Variants in PACRGL observed in about 807,000 individuals in gnomAD.
The protein encoded by PACRGL is PACRG-like protein.
PACRGL carries 38 observed loss-of-function variants against 34.5 expected under a neutral mutation model. The ratio of observed to expected loss-of-function variants is 1.10; its 90% CI spans 0.85 to 1.44. The LOEUF (loss-of-function observed/expected upper bound fraction) is 1.44, where lower values mean the gene tolerates loss of function less well. Ranked by LOEUF, PACRGL falls within the 40% of genes most tolerant of loss-of-function variation. The pLI, the probability that PACRGL is intolerant of heterozygous loss-of-function variation, is 0.00. For missense variants in PACRGL, 305 were observed against 281.4 expected, an observed-to-expected ratio of 1.08 and a Z score of -0.60; for synonymous variants, 128 against 100.1, an observed-to-expected ratio of 1.28 and a Z score of -1.66.
rs1435603724 is a variant in PACRGL, at chr4:20,729,205, T to G, written c.*1864T>G. 2 of 151,944 alleles carry G rather than the reference T, an allele frequency of 1.3e-5. No individual in the cohort carries two copies. Among genetic ancestry groups the G allele is most frequent in the African/African-American group, 4.8e-5 (2 of 41,394 alleles). The allele number at this position is 151,944 out of a possible 1,614,324, so 9.4% of individuals were successfully genotyped here. ...GATTTGGCCTTTAATGCTGTTAGGA[T>G]TACTTGTTATTAAGCATTACTATAT... is the stretch of plus-strand genomic sequence containing the variant. On this transcript the variant is annotated 3_prime_UTR_variant, in exon 9 of 9. Coordinates refer to ENST00000503585, the MANE Select transcript of PACRGL (RefSeq NM_001258345.3).
chr4:20,736,207 A>G (rs997144899), downstream of PACRGL, among the ~76,000 whole-genome samples: 4 of 152,184 alleles, frequency 2.6e-5, no homozygotes, highest in Admixed American at 2.6e-4. Flanking sequence ...AGTATAAGAT[A>G]TATTTGTTTT....
chr4:20,736,494 G>A (rs776282221), downstream of PACRGL, among the ~76,000 whole-genome samples: 19 of 152,046 alleles, frequency 1.2e-4, no homozygotes, highest in East Asian at 3.9e-4. Context: ...GCTGACATAC[G>A]TTGGTTTTCT....
chr4:20,702,764 C>T (rs182518597), intron 1 of PACRGL: 39 of 152,272 alleles, frequency 2.6e-4, no homozygotes, highest in Admixed American at 1.9e-3. Flanking sequence ...TTTAAAGCTT[C>T]TCTCAGCTTA....
Position 20,728,584 on chromosome 4 carries a change from A to C in PACRGL, c.*1243A>C, listed in dbSNP as rs979564660. On this transcript the variant is annotated 3_prime_UTR_variant, in exon 9 of 9. Transcript: ENST00000503585. The stretch of plus-strand genomic sequence containing the variant: ...TTTAATTAATTACAAAATTTCTTGG[A>C]AAAGACCTGTAACATAGACAGTAGA... 2 of 152,592 alleles carry C rather than the reference A, an allele frequency of 1.3e-5. No individual in the cohort carries two copies. The highest frequency in any genetic ancestry group is 2.9e-5 in the Non-Finnish European group (2 of 68,038). 9.5% of individuals were successfully genotyped at this position (152,592 alleles called of 1,614,324 possible).
Position 20,726,769 on chromosome 4 carries a change from T to C in PACRGL, c.691-516T>C, listed in dbSNP as rs1745850683. ...TTCTTAGAACTGATCTGCCTTAAAT[T>C]GAAATCAGTTCATTCTTAGCCTGAT... On this transcript the variant is annotated intron_variant, in intron 8 of 8. Coordinates refer to ENST00000503585, the MANE Select transcript of PACRGL (RefSeq NM_001258345.3). Among the ~76,000 whole-genome samples the C allele has an allele frequency of 2.6e-5, 4 of 152,200 alleles. No homozygotes were observed. The South Asian group carries it at 8.3e-4, about 32-fold the overall frequency.
chr4:20,761,710 T>C, the PACRGL span, among the ~76,000 whole-genome samples: 1 of 152,182 alleles, frequency 6.6e-6, no homozygotes, highest in South Asian at 2.1e-4. Context: ...TCTAGATATA[T>C]TTGATAGATA....
chr4:20,739,665 G>A (rs1442685250), intron 8 of PACRGL, among the ~76,000 whole-genome samples: 1 of 152,178 alleles, frequency 6.6e-6, no homozygotes, highest in Non-Finnish European at 1.5e-5. Context: ...GCTGAAAAGT[G>A]TAAAAATCAG....
At chr4:20,753,709 C>T (rs1484465999), downstream of PACRGL, among the ~76,000 whole-genome samples, 1 of 152,174 alleles carries the variant, frequency 6.6e-6, no homozygotes, top group African/African-American at 2.4e-5. Context: ...TAGCTTCTGT[C>T]AATAAGCCCT....
At chr4:20,738,775 C>A (rs536008061) in intron 8 of PACRGL, among the ~76,000 whole-genome samples, 3 of 152,206 alleles carry the variant, frequency 2.0e-5, no homozygotes, top group African/African-American at 7.2e-5. Context: ...GAGTGTGAGC[C>A]GAAGCAGGGT....
At chr4:20,734,082 T>C (rs1277241359), downstream of PACRGL, among the ~76,000 whole-genome samples, 1 of 152,208 alleles carries the variant, frequency 6.6e-6, no homozygotes, top group African/African-American at 2.4e-5. Context: ...CTGTCCTGCG[T>C]GGTTAACTTA....
At chr4:20,765,298 T>G in the PACRGL span, among the ~76,000 whole-genome samples, 1 of 152,124 alleles carries the variant, frequency 6.6e-6, no homozygotes, top group African/African-American at 2.4e-5. Flanking sequence ...ACTGAAAACA[T>G]AGTCTCCTGG....
chr4:20,732,064 A>G lies in PACRGL; in HGVS notation c.*4723A>G. The G allele has an allele frequency of 1.2e-6, 2 of 1,600,136 alleles. No individual in the cohort carries two copies. The highest frequency in any genetic ancestry group is 3.3e-4 in the Middle Eastern group (2 of 6,010). ...AACAACCCCATCTTTATTTTTGTCC[A>G]TTTTCTGTTCAGGAAGAAAACAAAA... On this transcript the variant is annotated 3_prime_UTR_variant, in exon 9 of 9. Transcript: ENST00000503585.
At chr4:20,754,420 A>G (rs1437209064), downstream of PACRGL, among the ~76,000 whole-genome samples, 2 of 152,174 alleles carry the variant, frequency 1.3e-5, no homozygotes, top group African/African-American at 2.4e-5. Flanking sequence ...TCAGACCATC[A>G]TCCTGAATAA....
chr4:20,713,579 A>T (rs1472357453), intron 7 of PACRGL, 40 bp downstream of exon 7: 2 of 1,455,018 alleles, frequency 1.4e-6, no homozygotes, highest in Admixed American at 1.7e-5. Context: ...GACTGTATGT[A>T]TCATGCACCA....
downstream of PACRGL, among the ~76,000 whole-genome samples, chr4:20,736,778 A>G (rs12644782): frequency 0.33 from 50,645 of 152,040 alleles, 8,877 homozygotes; most frequent in African/African-American, 0.44. Flanking sequence ...GACCTTTTTT[A>G]GCAAAAATGA....
downstream of PACRGL, chr4:20,734,788 CAAAA>C: frequency 3.3e-6 from 3 of 919,490 alleles, no homozygotes; most frequent in East Asian, 2.7e-5. Flanking sequence ...AAAACAAAAA[CAAAA>C]AAAACAAATG....
In PACRGL at chr4:20,730,242, A is replaced by C. The variant is rs543722560; in HGVS notation, c.*2901A>C. On this transcript the variant is annotated 3_prime_UTR_variant, in exon 9 of 9. Coordinates refer to ENST00000503585, the MANE Select transcript of PACRGL (RefSeq NM_001258345.3). ...TCAACCACCTCAACCACCTATGCCA[A>C]AAGCTCAAATATTAAGTGTTTGCAA... is the stretch of plus-strand genomic sequence containing the variant. The C allele has an allele frequency of 7.6e-7, 1 of 1,313,536 alleles. No individual in the cohort carries two copies. Among genetic ancestry groups the C allele is most frequent in the African/African-American group, 1.5e-5 (1 of 67,022 alleles). 81.4% of individuals were successfully genotyped at this position (1,313,536 alleles called of 1,614,324 possible).
intron 8 of PACRGL, among the ~76,000 whole-genome samples, chr4:20,745,389 T>C (rs991785912): frequency 6.6e-6 from 1 of 152,208 alleles, no homozygotes; most frequent in Non-Finnish European, 1.5e-5. Flanking sequence ...TGGGATGATA[T>C]CAGTAAAGAG....
upstream of PACRGL, among the ~76,000 whole-genome samples, chr4:20,698,228 G>A (rs971595727): frequency 6.6e-6 from 1 of 152,094 alleles, no homozygotes; most frequent in Non-Finnish European, 1.5e-5. Flanking sequence ...ACCTATATGA[G>A]AGCAAACAGA....
Sources: allele counts gnomAD v4.1 joint callset (sites outside exome capture counted in the v4.1 genomes callset), GRCh38; gene constraint gnomAD v4.1.1; transcripts MANE v1.5; gene names NCBI Gene and HGNC (gene_info 2026-07-23, HGNC 2026-07-21).